The following MAN2A1 variants were observed in gnomAD, a reference collection of about 807,000 sequenced individuals.
MAN2A1 encodes the protein alpha-mannosidase 2.
A neutral mutation model predicts 142.6 loss-of-function variants in MAN2A1; 76 were observed. That is an observed-to-expected ratio of 0.53 (90% CI 0.44 to 0.65). The LOEUF (loss-of-function observed/expected upper bound fraction) is 0.65, where lower values mean the gene tolerates loss of function less well. Among genes scored for constraint, MAN2A1 ranks in the 30% least tolerant of loss-of-function variants. The pLI is 0.00. For missense variants in MAN2A1, 1,311 were observed against 1,365.1 expected, an observed-to-expected ratio of 0.96 and a Z score of 0.62; for synonymous variants, 559 against 473.2, an observed-to-expected ratio of 1.18 and a Z score of -2.35.
chr5:109,691,948 T>A (rs753099995), intron 1 of MAN2A1, among the ~76,000 whole-genome samples: 3 of 152,226 alleles, frequency 2.0e-5, no homozygotes, highest in Non-Finnish European at 2.9e-5. Context: ...AATTTTGGGG[T>A]TGAAATTACT....
intron 12 of MAN2A1, among the ~76,000 whole-genome samples, chr5:109,816,717 G>T (rs570426058): frequency 1.3e-5 from 2 of 152,220 alleles, no homozygotes; most frequent in African/African-American, 4.8e-5. Context: ...GGTATTAGTT[G>T]TATGGAGCTC....
At chr5:109,816,874 T>G (rs1417388015) in intron 12 of MAN2A1, among the ~76,000 whole-genome samples, 1 of 152,312 alleles carries the variant, frequency 6.6e-6, no homozygotes, top group African/African-American at 2.4e-5. Context: ...TAATTACCCT[T>G]TGTACTGTGT....
In MAN2A1 at chr5:109,817,399, T is replaced by A. The variant is rs1754494736; in HGVS notation, c.2070T>A (p.Val690=). The part of the protein sequence containing the change: ...GKPVEVQVSA[V]WDTANTISET... ...CTGTGGAAGTTCAAGTCAGCGCAGT[T>A]TGGGATACAGCAAATACTATTTCAG... is the stretch of plus-strand genomic sequence containing the variant. Residue 690 remains valine, a synonymous_variant, in exon 13 of 22, where the codon GTT becomes GTA. Coordinates refer to ENST00000261483, the MANE Select transcript of MAN2A1 (RefSeq NM_002372.4). 2.5e-6 allele frequency: 4 copies of A among 1,613,976 alleles called. No homozygotes were observed. The highest frequency in any genetic ancestry group is 3.4e-6 in the Non-Finnish European group (4 of 1,179,982).
Position 109,795,722 on chromosome 5 carries a change from T to C in MAN2A1, c.1943+6195T>C, listed in dbSNP as rs546905439. On this transcript the variant is annotated intron_variant, in intron 12 of 21. Coordinates refer to ENST00000261483, the MANE Select transcript of MAN2A1 (RefSeq NM_002372.4). ...ATGTCTACCCCCAAGGCTTTCAAAT[T>C]CTGGTATTATATCAACTAGAAAAGT... 4.6e-5 allele frequency among the ~76,000 whole-genome samples: 7 copies of C among 152,342 alleles called. No individual in the cohort carries two copies. In the East Asian group the frequency reaches 1.3e-3, roughly 29 times the overall value.
In MAN2A1 at chr5:109,819,898, A is replaced by C; in HGVS notation, c.2328+11A>C. Reference sequence around the variant, plus strand: ...ACTGGACTTATGAAGGTATGTTCTGAATAGTTCTAAAATTCATAGAATGCT... The same window carrying C: ...ACTGGACTTATGAAGGTATGTTCTGCATAGTTCTAAAATTCATAGAATGCT... On this transcript the variant is annotated intron_variant, in intron 14 of 21. Transcript: ENST00000261483. 6.6e-7 allele frequency: 1 copy of C among 1,512,634 alleles called. No individual in the cohort carries two copies. The highest frequency in any genetic ancestry group is 1.3e-5 in the South Asian group (1 of 79,044). 93.7% of individuals were successfully genotyped at this position (1,512,634 alleles called of 1,614,324 possible).
chr5:109,807,319 A>C (rs1754191810), intron 12 of MAN2A1, among the ~76,000 whole-genome samples: 1 of 152,200 alleles, frequency 6.6e-6, no homozygotes, highest in African/African-American at 2.4e-5. Flanking sequence ...TTCAACAGGA[A>C]TAGTGTAACC....
intron 9 of MAN2A1, among the ~76,000 whole-genome samples, chr5:109,783,783 T>C (rs1440793430): frequency 6.8e-6 from 1 of 147,410 alleles, no homozygotes; most frequent in Non-Finnish European, 1.5e-5. Flanking sequence ...CCATATCCTC[T>C]GATGAAAAAA....
At chr5:109,836,538 A>C (rs1399589119) in intron 16 of MAN2A1, among the ~76,000 whole-genome samples, 1 of 152,102 alleles carries the variant, frequency 6.6e-6, no homozygotes, top group Non-Finnish European at 1.5e-5. Flanking sequence ...TGATCCACCC[A>C]GTGGGGGAAG....
Position 109,867,521 on chromosome 5 carries a change from T to C in MAN2A1, c.*523T>C, listed in dbSNP as rs1755917216. 1 of 152,648 alleles carries C rather than the reference T, an allele frequency of 6.6e-6. No homozygotes were observed. 9.5% of individuals were successfully genotyped at this position (152,648 alleles called of 1,614,324 possible). ...GAAAAGTGCAATCCATCCACCCTTATGATTAACGTAGATGATTTTTATACC... is the reference window on the plus strand; with the variant it reads ...GAAAAGTGCAATCCATCCACCCTTACGATTAACGTAGATGATTTTTATACC... On this transcript the variant is annotated 3_prime_UTR_variant, in exon 22 of 22. Transcript: ENST00000261483.
In MAN2A1 at chr5:109,767,403, A is replaced by G. The variant is rs963148728; in HGVS notation, c.836-132A>G. On this transcript the variant is annotated intron_variant, in intron 5 of 21. Transcript: ENST00000261483. ...TCTTGCTGGGAATACTTGGCAGAGG[A>G]TAATGCTGGGTAGATCCTTGGTCTG... is the stretch of plus-strand genomic sequence containing the variant. 3 of 636,564 alleles carry G rather than the reference A, an allele frequency of 4.7e-6. No individual in the cohort carries two copies. The African/African-American group carries it at 5.6e-5, about 12-fold the overall frequency. 39.4% of individuals were successfully genotyped at this position (636,564 alleles called of 1,614,324 possible).
At position 109,729,904 on chromosome 5, in the gene MAN2A1, A is replaced by G. The variant is rs940663874; in HGVS notation, c.707+391A>G. On this transcript the variant is annotated intron_variant, in intron 4 of 21. Transcript: ENST00000261483. Reference sequence around the variant, plus strand: ...CTACTCAGGAGGCTCAGGCACGACAATGCTTGGACCCAGAAGGCAGAGGGT... The same window carrying G: ...CTACTCAGGAGGCTCAGGCACGACAGTGCTTGGACCCAGAAGGCAGAGGGT... Among the ~76,000 whole-genome samples, 3 of 152,100 alleles carry G rather than the reference A, an allele frequency of 2.0e-5. No homozygotes were observed. The East Asian group carries it at 5.8e-4, about 29-fold the overall frequency.
intron 12 of MAN2A1, chr5:109,804,105 C>T: frequency 1.0e-6 from 1 of 952,824 alleles, no homozygotes; most frequent in South Asian, 4.8e-5. Context: ...TGGCATATTT[C>T]AAAGTCTTCC....
intron 12 of MAN2A1, among the ~76,000 whole-genome samples, chr5:109,811,181 T>G (rs1754307694): frequency 6.6e-6 from 1 of 152,100 alleles, no homozygotes; most frequent in Non-Finnish European, 1.5e-5. Context: ...GTTTCAAAAT[T>G]TACATTTATC....
rs1332051497 is a variant in MAN2A1, at chr5:109,789,539, A to G, written c.1943+12A>G. ...AGTGCGGAGCCAAGGTAAATTCATA[A>G]TTTCTTACAAATGTTTACCACTTTC... On this transcript the variant is annotated intron_variant, in intron 12 of 21. Coordinates refer to ENST00000261483, the MANE Select transcript of MAN2A1 (RefSeq NM_002372.4). 4 of 1,541,702 alleles carry G rather than the reference A, an allele frequency of 2.6e-6. No individual in the cohort carries two copies. Among genetic ancestry groups the G allele is most frequent in the Non-Finnish European group, 2.6e-6 (3 of 1,137,070 alleles).
intron 3 of MAN2A1, among the ~76,000 whole-genome samples, chr5:109,725,022 C>G (rs1220675500): frequency 1.3e-5 from 2 of 151,968 alleles, no homozygotes; most frequent in Non-Finnish European, 2.9e-5. Flanking sequence ...TTATTGAACT[C>G]TTGCTCTTAT....
chr5:109,755,481 T>A (rs1752664473), intron 5 of MAN2A1, 25 bp downstream of exon 5: 1 of 1,590,238 alleles, frequency 6.3e-7, no homozygotes, highest in Admixed American at 1.7e-5. Flanking sequence ...ATTCTTTATT[T>A]GGGCTATTTT....
At chr5:109,691,962 AT>A (rs1031710098) in intron 1 of MAN2A1, among the ~76,000 whole-genome samples, 8 of 152,090 alleles carry the variant, frequency 5.3e-5, no homozygotes, top group African/African-American at 1.9e-4. Context: ...AATTACTGTA[AT>A]TTTTTTCCCT....
At chr5:109,828,239 C>T (rs1180527758) in intron 16 of MAN2A1, among the ~76,000 whole-genome samples, 2 of 151,968 alleles carry the variant, frequency 1.3e-5, no homozygotes, top group Admixed American at 1.3e-4. Flanking sequence ...TAGAAAATAA[C>T]ACTCTTCTGG....
intron 4 of MAN2A1, among the ~76,000 whole-genome samples, chr5:109,754,877 T>G (rs768300376): frequency 6.6e-6 from 1 of 152,356 alleles, no homozygotes; most frequent in African/African-American, 2.4e-5. Flanking sequence ...GGCGCATGCC[T>G]GTAATCCCGG....
Sources: allele counts gnomAD v4.1 joint callset (sites outside exome capture counted in the v4.1 genomes callset), GRCh38; gene constraint gnomAD v4.1.1; transcripts MANE v1.5; gene names NCBI Gene and HGNC (gene_info 2026-07-23, HGNC 2026-07-21).